The following DNAJC17 variants were observed in gnomAD, a reference collection of about 807,000 sequenced individuals.
The protein encoded by DNAJC17 is dnaJ homolog subfamily C member 17.
In DNAJC17, 35 loss-of-function variants were observed where a neutral mutation model predicts 48.1. The observed-to-expected ratio is 0.73, with a 90% CI of 0.56 to 0.96. The LOEUF (loss-of-function observed/expected upper bound fraction) is 0.96, where lower values mean the gene tolerates loss of function less well. DNAJC17 is among the 50% of genes least tolerant of loss of function. The pLI is 0.00. For missense variants in DNAJC17, 355 were observed against 377.1 expected (o/e 0.94, Z 0.48); for synonymous variants, 117 against 142.7 (o/e 0.82, Z 1.28).
intron 1 of DNAJC17, among the ~76,000 whole-genome samples, chr15:40,794,849 C>T (rs1346026142): frequency 6.6e-6 from 1 of 151,944 alleles, no homozygotes; most frequent in African/African-American, 2.4e-5. Flanking sequence ...TCCTGAGTAG[C>T]TGGGATTATA....
chr15:40,775,450 C>T, intron 7 of DNAJC17, 103 bp downstream of exon 7: 1 of 1,339,862 alleles, frequency 7.5e-7, no homozygotes, highest in African/African-American at 1.5e-5. Context: ...CCACGCAGAT[C>T]CAGCAGCCCC....
chr15:40,804,756 C>T (rs1030259224), intron 1 of DNAJC17, among the ~76,000 whole-genome samples: 4 of 152,184 alleles, frequency 2.6e-5, no homozygotes, highest in Admixed American at 6.5e-5. Context: ...AATCCCAGCA[C>T]TTTGGGAGGC....
intron 1 of DNAJC17, among the ~76,000 whole-genome samples, chr15:40,802,496 C>T (rs922023836): frequency 1.2e-4 from 18 of 152,066 alleles, no homozygotes; most frequent in Admixed American, 1.0e-3. Flanking sequence ...AGATTTAGAC[C>T]GCTGTGAAAC....
At chr15:40,778,347 G>A (rs530050626) in intron 4 of DNAJC17, among the ~76,000 whole-genome samples, 7 of 152,054 alleles carry the variant, frequency 4.6e-5, no homozygotes, top group African/African-American at 1.2e-4. Context: ...TCTGCCTCCC[G>A]GGTTCAAGCA....
In DNAJC17 at chr15:40,779,925, C is replaced by T. The variant is rs762211612; in HGVS notation, c.148+3G>A. On this transcript the variant is annotated splice_donor_region_variant and intron_variant, in intron 2 of 10. Transcript: ENST00000220496. ...TCTCCCCACGCCCTGAGAAGAGTCT[C>T]ACCTGCTCTGGGATTATCTGGATTT... 3 of 1,613,848 alleles carry T rather than the reference C, an allele frequency of 1.9e-6. No homozygotes were observed. Among genetic ancestry groups the T allele is most frequent in the South Asian group, 2.2e-5 (2 of 91,000 alleles).
At chr15:40,768,584 G>A (rs910528679) in intron 10 of DNAJC17, among the ~76,000 whole-genome samples, 43 of 152,200 alleles carry the variant, frequency 2.8e-4, no homozygotes, top group African/African-American at 1.0e-3. Flanking sequence ...AGCCCGGAAT[G>A]CCCCACCCTC....
At chr15:40,799,994 G>T (rs1890036333) in intron 1 of DNAJC17, among the ~76,000 whole-genome samples, 2 of 149,544 alleles carry the variant, frequency 1.3e-5, no homozygotes, top group South Asian at 2.1e-4. Context: ...TCACACCAGG[G>T]TTTTTTTTTT....
At chr15:40,793,289 C>T (rs1889858689) in intron 1 of DNAJC17, among the ~76,000 whole-genome samples, 1 of 152,166 alleles carries the variant, frequency 6.6e-6, no homozygotes, top group Non-Finnish European at 1.5e-5. Flanking sequence ...CCTCTTTATT[C>T]TTACAGCATT....
intron 1 of DNAJC17, among the ~76,000 whole-genome samples, chr15:40,782,218 G>A (rs186618328): frequency 1.3e-5 from 2 of 151,660 alleles, no homozygotes; most frequent in East Asian, 1.9e-4. Flanking sequence ...GTGAGACCTT[G>A]TCTCAAAAAT....
intron 4 of DNAJC17, among the ~76,000 whole-genome samples, chr15:40,777,816 G>A (rs1441498159): frequency 6.6e-6 from 1 of 151,810 alleles, no homozygotes; most frequent in Non-Finnish European, 1.5e-5. Context: ...TTATTGGGTT[G>A]ATGAAAATGT....
chr15:40,779,357 AG>A, intron 3 of DNAJC17, 47 bp from the exon 4 acceptor site: 1 of 1,605,960 alleles, frequency 6.2e-7, no homozygotes, highest in Non-Finnish European at 8.5e-7. Flanking sequence ...GAGAGAGTAA[AG>A]ACAGAGCCCC....
chr15:40,796,599 T>C lies in DNAJC17; in HGVS notation c.78+10770A>G, dbSNP rs141711720. ...GTTATTATCCAAAGAAAACAGAAAA[T>C]TTAAGTGTGGAAAGGATGTGGAGAA... is the stretch of plus-strand genomic sequence containing the variant. On this transcript the variant is annotated intron_variant, in intron 1 of 10. Transcript: ENST00000220496. Among the ~76,000 whole-genome samples the C allele has an allele frequency of 1.0e-3, 159 of 152,096 alleles. 2 individuals are homozygous for C. The East Asian group carries it at 0.017, about 16-fold the overall frequency.
At chr15:40,780,799 CAA>C (rs1889464382) in intron 1 of DNAJC17, among the ~76,000 whole-genome samples, 1 of 149,090 alleles carries the variant, frequency 6.7e-6, no homozygotes, top group Non-Finnish European at 1.5e-5. Context: ...GGCGACAGAG[CAA>C]GACTCTGTCT....
At chr15:40,795,396 T>A (rs1454488283) in intron 1 of DNAJC17, among the ~76,000 whole-genome samples, 18 of 152,130 alleles carry the variant, frequency 1.2e-4, no homozygotes, top group Non-Finnish European at 1.5e-5. Flanking sequence ...ACAGAAAAGA[T>A]GGAAACAAAC....
chr15:40,794,913 T>C (rs1889909020), intron 1 of DNAJC17, among the ~76,000 whole-genome samples: 1 of 151,950 alleles, frequency 6.6e-6, no homozygotes, highest in South Asian at 2.1e-4. Flanking sequence ...GAGATGGGGT[T>C]TCGTCGTGTT....
intron 1 of DNAJC17, among the ~76,000 whole-genome samples, chr15:40,788,160 C>T (rs1234706268): frequency 6.6e-6 from 1 of 152,184 alleles, no homozygotes; most frequent in Non-Finnish European, 1.5e-5. Flanking sequence ...TCCCCAAGCC[C>T]GGAGAGGCAG....
chr15:40,798,369 T>C (rs1382831639), intron 1 of DNAJC17, among the ~76,000 whole-genome samples: 1 of 152,152 alleles, frequency 6.6e-6, no homozygotes, highest in Non-Finnish European at 1.5e-5. Context: ...AGTCACTCTT[T>C]GTTAAGTACA....
chr15:40,776,615 C>T lies in DNAJC17; in HGVS notation c.308G>A (p.Arg103Gln), dbSNP rs771949970. Residue 103 changes from arginine to glutamine, a missense_variant, in exon 5 of 11, where the codon CGG becomes CAG. Around this residue, in one of 3 missense-constraint regions of DNAJC17, gnomAD observed 199 missense variants for 199.9 expected, o/e 1.00. Coordinates refer to ENST00000220496, the MANE Select transcript of DNAJC17 (RefSeq NM_018163.3). ...CTCCTGGGCCTGGGCCTGCCGCTCC[C>T]GGGCCTCCAGGTCTAGACACAAGGG... ...RKKVKLDLEA[R>Q]ERQAQAQESE... The T allele has an allele frequency of 5.5e-5, 88 of 1,613,830 alleles. No homozygotes were observed. Among genetic ancestry groups the T allele is most frequent in the Middle Eastern group, 3.3e-4 (2 of 6,082 alleles).
At chr15:40,807,309 G>A (rs757764640) in intron 1 of DNAJC17, 60 bp downstream of exon 1, 10 of 1,613,864 alleles carry the variant, frequency 6.2e-6, no homozygotes, top group Non-Finnish European at 8.5e-6. Flanking sequence ...TGGCCGAGGC[G>A]CTAGGACAGG....
Sources: gnomAD v4.1 joint callset for allele counts (sites outside exome capture counted in the v4.1 genomes callset) on GRCh38, gnomAD v4.1.1 for gene constraint, gnomAD v4.1.1 regional missense constraint, MANE v1.5 for transcripts, NCBI Gene and HGNC (gene_info 2026-07-23, HGNC 2026-07-21) for gene names.